UBASH3B: variants seen among roughly 807,000 people sequenced by gnomAD.
The protein encoded by UBASH3B is ubiquitin-associated and SH3 domain-containing protein B.
A neutral mutation model predicts 83.4 loss-of-function variants in UBASH3B; 37 were observed. The observed-to-expected ratio is 0.44, with a 90% CI of 0.34 to 0.58. The LOEUF (loss-of-function observed/expected upper bound fraction) is 0.58. Ranked by LOEUF, UBASH3B falls within the 20% of genes least tolerant of loss-of-function variation. The pLI is 0.01. For synonymous variants in UBASH3B, 304 were observed against 318.3 expected (o/e 0.96, Z 0.48); for missense variants, 657 against 827.2 (o/e 0.79, Z 2.52).
At chr11:122,732,317 C>A (rs920625727) in intron 1 of UBASH3B, among the ~76,000 whole-genome samples, 3 of 152,208 alleles carry the variant, frequency 2.0e-5, no homozygotes, top group African/African-American at 7.2e-5. Context: ...CCCTGACACA[C>A]AATGGCAAGA....
chr11:122,720,297 C>T (rs1860601822), intron 1 of UBASH3B, among the ~76,000 whole-genome samples: 2 of 152,222 alleles, frequency 1.3e-5, no homozygotes, highest in Admixed American at 1.3e-4. Flanking sequence ...CTTAGCGCCT[C>T]ACTTTTTCCA....
chr11:122,791,888 C>T (rs1456899722), intron 6 of UBASH3B, among the ~76,000 whole-genome samples: 1 of 152,194 alleles, frequency 6.6e-6, no homozygotes, highest in Non-Finnish European at 1.5e-5. Context: ...GAGTTATGAA[C>T]CAAGACAAGT....
rs1030104659 is a variant in UBASH3B, at chr11:122,759,400, G to C, written c.162-16819G>C. On this transcript the variant is annotated intron_variant, in intron 1 of 13. Coordinates refer to ENST00000284273, the MANE Select transcript of UBASH3B (RefSeq NM_032873.5). The surrounding 1 kb of genome is among the most constrained non-coding windows in gnomAD (Gnocchi z 4.1). ...GAAGACAGTTTTTCCACTGACCCGGGTGGTGGTGTGATGGTTTGGGGATGA... is the reference window on the plus strand; with the variant it reads ...GAAGACAGTTTTTCCACTGACCCGGCTGGTGGTGTGATGGTTTGGGGATGA... 5.9e-5 allele frequency among the ~76,000 whole-genome samples: 9 copies of C among 152,342 alleles called. No individual in the cohort carries two copies. The highest frequency in any genetic ancestry group is 5.9e-4 in the Admixed American group (9 of 15,306).
intron 4 of UBASH3B, among the ~76,000 whole-genome samples, chr11:122,779,939 C>G (rs1303238304): frequency 6.6e-6 from 1 of 152,176 alleles, no homozygotes; most frequent in South Asian, 2.1e-4. Flanking sequence ...CCCTAACACC[C>G]AAGTTGAAGT....
rs574057451 is a variant in UBASH3B, at chr11:122,813,931, G to A, written c.*4045G>A. 2 of 152,358 alleles carry A rather than the reference G, an allele frequency of 1.3e-5. No homozygotes were observed. The highest frequency in any genetic ancestry group is 4.1e-4 in the South Asian group (2 of 4,828). The allele number at this position is 152,358 out of a possible 1,614,324, so 9.4% of individuals were successfully genotyped here. ...CATTTTTAAGTACAAATAATAGTAG[G>A]ATTGGTGTATGTAGGTTTAAAATTA... On this transcript the variant is annotated 3_prime_UTR_variant, in exon 14 of 14. Transcript: ENST00000284273.
chr11:122,660,727 T>C (rs1863427899), intron 1 of UBASH3B, among the ~76,000 whole-genome samples: 1 of 152,242 alleles, frequency 6.6e-6, no homozygotes, highest in South Asian at 2.1e-4. Context: ...GAATCCTTGC[T>C]GATACAACCC....
At chr11:122,707,270 C>A (rs141948223) in intron 1 of UBASH3B, among the ~76,000 whole-genome samples, 150 of 152,286 alleles carry the variant, frequency 9.8e-4, no homozygotes, top group African/African-American at 3.5e-3. Flanking sequence ...ACTCTCCTGT[C>A]CCAGAAGAAC....
At chr11:122,738,099 G>T (rs78663294) in intron 1 of UBASH3B, among the ~76,000 whole-genome samples, 12 of 152,330 alleles carry the variant, frequency 7.9e-5, no homozygotes, top group Middle Eastern at 3.4e-3. Flanking sequence ...GGGAAATGCC[G>T]TTGAGAGGTC....
chr11:122,704,870 G>A (rs1356426003), intron 1 of UBASH3B, among the ~76,000 whole-genome samples: 1 of 151,944 alleles, frequency 6.6e-6, no homozygotes, highest in Non-Finnish European at 1.5e-5. Context: ...GCACTTTCTC[G>A]AAGTGGCATT....
In UBASH3B at chr11:122,806,042, TG is replaced by T. The variant is rs1861335397; in HGVS notation, c.1596-365del. The stretch of plus-strand genomic sequence containing the variant: ...TCCTTGCTGCTCTTGAAGAGAGGTC[TG>T]GGAAATCCCTGCTGATCTAAATAGG... On this transcript the variant is annotated intron_variant, in intron 11 of 13. Coordinates refer to ENST00000284273, the MANE Select transcript of UBASH3B (RefSeq NM_032873.5). This position sits in a 1 kb window ranked among gnomAD's most constrained non-coding sequence, Gnocchi z 4.0. Among the ~76,000 whole-genome samples, 1 of 152,242 alleles carries T rather than the reference TG, an allele frequency of 6.6e-6. No homozygotes were observed. Among genetic ancestry groups the T allele is most frequent in the African/African-American group, 2.4e-5 (1 of 41,470 alleles).
intron 1 of UBASH3B, among the ~76,000 whole-genome samples, chr11:122,659,246 G>A (rs1024123903): frequency 5.3e-5 from 8 of 152,058 alleles, no homozygotes; most frequent in South Asian, 2.1e-4. Context: ...TTAGGATGTG[G>A]GTGTCTTTTG....
At chr11:122,705,591 T>C (rs913049054) in intron 1 of UBASH3B, among the ~76,000 whole-genome samples, 5 of 152,144 alleles carry the variant, frequency 3.3e-5, no homozygotes, top group Non-Finnish European at 7.4e-5. Context: ...ACAGAAATTG[T>C]TGAAGCAAGG....
chr11:122,775,007 C>T (rs966075215), intron 1 of UBASH3B, among the ~76,000 whole-genome samples: 1 of 152,152 alleles, frequency 6.6e-6, no homozygotes, highest in East Asian at 1.9e-4. Flanking sequence ...CTCCATGGCA[C>T]TTAACATCAA....
intron 1 of UBASH3B, among the ~76,000 whole-genome samples, chr11:122,772,197 C>A (rs560549680): frequency 1.4e-4 from 21 of 152,172 alleles, no homozygotes; most frequent in Admixed American, 3.3e-4. Context: ...CTTGGGAACT[C>A]CCCACTACGG....
At chr11:122,791,115 C>T (rs1160060223) in intron 6 of UBASH3B, among the ~76,000 whole-genome samples, 2 of 152,126 alleles carry the variant, frequency 1.3e-5, no homozygotes, top group Non-Finnish European at 2.9e-5. Context: ...ATCTTTTATT[C>T]GAGAGATTAC....
At chr11:122,757,709 CTTTTTTTTTTT>C (rs781180822) in intron 1 of UBASH3B, among the ~76,000 whole-genome samples, 52 of 92,114 alleles carry the variant, frequency 5.6e-4, no homozygotes, top group Non-Finnish European at 1.0e-3. Flanking sequence ...CTTCTTTTCC[CTTTTTTTTTTT>C]TTTTTTTTTT....
intron 1 of UBASH3B, among the ~76,000 whole-genome samples, chr11:122,731,115 C>T (rs1283300843): frequency 1.3e-5 from 2 of 152,184 alleles, no homozygotes; most frequent in African/African-American, 4.8e-5. Context: ...GCACCAGACC[C>T]AATTGTGCCA....
chr11:122,664,628 G>T (rs1406998054), intron 1 of UBASH3B, among the ~76,000 whole-genome samples: 1 of 152,132 alleles, frequency 6.6e-6, no homozygotes, highest in African/African-American at 2.4e-5. Context: ...TGTGATAGGT[G>T]ATCCCTTTTC....
intron 1 of UBASH3B, among the ~76,000 whole-genome samples, chr11:122,767,536 C>G (rs1860569602): frequency 2.0e-5 from 3 of 152,212 alleles, no homozygotes; most frequent in African/African-American, 7.2e-5. Context: ...TGGTCTCGAT[C>G]TCTTGACCTC....
Sources: gnomAD v4.1 joint callset for allele counts (sites outside exome capture counted in the v4.1 genomes callset) on GRCh38, gnomAD v4.1.1 for gene constraint, Gnocchi (gnomAD v3.1) non-coding constraint, MANE v1.5 for transcripts, NCBI Gene and HGNC (gene_info 2026-07-23, HGNC 2026-07-21) for gene names.